The following PIK3C2G variants were observed in gnomAD, a reference collection of about 807,000 sequenced individuals.
PIK3C2G encodes the protein phosphatidylinositol 3-kinase C2 domain-containing subunit gamma.
A neutral mutation model predicts 181.1 loss-of-function variants in PIK3C2G; 168 were observed. The observed-to-expected ratio is 0.93, with a 90% CI of 0.82 to 1.05. PIK3C2G has a LOEUF of 1.05. Among genes scored for constraint, PIK3C2G ranks in the 50% least tolerant of loss-of-function variants. The pLI, the probability that PIK3C2G is intolerant of heterozygous loss-of-function variation, is 0.00. For missense variants in PIK3C2G, 1,869 were observed against 1,732.8 expected (o/e 1.08, Z -1.40); for synonymous variants, 573 against 592.2 (o/e 0.97, Z 0.47).
intron 1 of PIK3C2G, among the ~76,000 whole-genome samples, chr12:18,281,701 A>G (rs187729224): frequency 1.8e-4 from 27 of 152,180 alleles, no homozygotes; most frequent in African/African-American, 6.0e-4. Context: ...TCAAATGATA[A>G]GTGGATATTC....
rs543059908 is a variant in PIK3C2G at position 18,338,283 on chromosome 12, T to G, written c.1273-143T>G. The G allele has an allele frequency of 2.6e-4, 168 of 649,260 alleles. No homozygotes were observed. The African/African-American group carries it at 2.6e-3, about 10-fold the overall frequency. The allele number at this position is 649,260 out of a possible 1,614,324, so 40.2% of individuals were successfully genotyped here. The stretch of plus-strand genomic sequence containing the variant: ...CCCCAGTCACAGGATAACCAGAGTC[T>G]TGAGAACTTTCTTTTTGTGTGAAAG... On this transcript the variant is annotated intron_variant, in intron 8 of 32. Transcript: ENST00000538779.
the PIK3C2G span, among the ~76,000 whole-genome samples, chr12:18,716,985 G>A: frequency 6.6e-6 from 1 of 152,006 alleles, no homozygotes; most frequent in Non-Finnish European, 1.5e-5. Context: ...TGAGGGAAAG[G>A]GAAGAAATAT....
Position 18,302,724 on chromosome 12 carries a change from G to A in PIK3C2G, c.1034+8709G>A, listed in dbSNP as rs991844261. On this transcript the variant is annotated intron_variant, in intron 5 of 32. Transcript: ENST00000538779. Reference sequence around the variant, plus strand: ...GGTGGCATGATTCCCAAGGACCTGGGCAGTGTAGTTGGGCACTAGAGGTGT... The same window carrying A: ...GGTGGCATGATTCCCAAGGACCTGGACAGTGTAGTTGGGCACTAGAGGTGT... 5.5e-4 allele frequency among the ~76,000 whole-genome samples: 84 copies of A among 152,116 alleles called. 1 individual carries two copies. The highest frequency in any genetic ancestry group is 1.2e-4 in the Non-Finnish European group (8 of 68,022).
chr12:18,496,210 T>C, intron 21 of PIK3C2G, 56 bp downstream of exon 21: 3 of 1,021,352 alleles, frequency 2.9e-6, no homozygotes, highest in Non-Finnish European at 4.3e-6. Flanking sequence ...TATCGATTTA[T>C]TACTCACAAA....
chr12:18,355,232 G>C (rs970776741), intron 11 of PIK3C2G, among the ~76,000 whole-genome samples: 2 of 152,170 alleles, frequency 1.3e-5, no homozygotes, highest in Non-Finnish European at 2.9e-5. Context: ...AGGTATTTCA[G>C]GGTCCTTTTA....
At chr12:18,245,821 C>T (rs1948033962), upstream of PIK3C2G, among the ~76,000 whole-genome samples, 1 of 151,992 alleles carries the variant, frequency 6.6e-6, no homozygotes, top group African/African-American at 2.4e-5. Flanking sequence ...ATTTCATTAC[C>T]ATATTTTTTT....
chr12:18,583,179 AACAAGTCCAT>A (rs957492530), intron 29 of PIK3C2G, among the ~76,000 whole-genome samples: 1 of 151,838 alleles, frequency 6.6e-6, no homozygotes, highest in African/African-American at 2.4e-5. Flanking sequence ...TCAGGCCAGC[AACAAGTCCAT>A]ACCTCCCTTG....
chr12:18,487,098 G>GTGTGTT (rs2136045635), intron 18 of PIK3C2G, among the ~76,000 whole-genome samples: 1 of 128,424 alleles, frequency 7.8e-6, no homozygotes, highest in South Asian at 2.2e-4. Flanking sequence ...GAGGTATTTT[G>GTGTGTT]TGTGTGTGTG....
chr12:18,519,182 G>A (rs1225298451), intron 24 of PIK3C2G, among the ~76,000 whole-genome samples: 1 of 152,220 alleles, frequency 6.6e-6, no homozygotes, highest in African/African-American at 2.4e-5. Flanking sequence ...TAAGTGCCAT[G>A]TGGCACTGAG....
chr12:18,257,961 C>G (rs144224011), upstream of PIK3C2G, among the ~76,000 whole-genome samples: 239 of 152,218 alleles, frequency 1.6e-3, 1 homozygote, highest in African/African-American at 5.5e-3. Context: ...CTTGGTAGAA[C>G]CAACTCTCAT....
chr12:18,650,347 A>ATG (rs71064013), downstream of PIK3C2G, among the ~76,000 whole-genome samples: 2,435 of 113,240 alleles, frequency 0.022, 22 homozygotes, highest in Non-Finnish European at 0.028. Context: ...ATATATATAT[A>ATG]TGTGTGTGTG....
chr12:18,497,893 G>T (rs964218459), intron 22 of PIK3C2G, 145 bp downstream of exon 22: 9 of 503,572 alleles, frequency 1.8e-5, no homozygotes, highest in African/African-American at 1.8e-4. Context: ...TTTTTTTAAA[G>T]AATTATTTTC....
intron 18 of PIK3C2G, among the ~76,000 whole-genome samples, chr12:18,459,166 G>T (rs916382481): frequency 6.6e-6 from 1 of 152,130 alleles, no homozygotes; most frequent in African/African-American, 2.4e-5. Context: ...AGAGATTTAA[G>T]AAGTTTATCA....
At chr12:18,554,903 A>G (rs967645613) in intron 26 of PIK3C2G, among the ~76,000 whole-genome samples, 1 of 152,144 alleles carries the variant, frequency 6.6e-6, no homozygotes, top group Non-Finnish European at 1.5e-5. Context: ...TAACTTCAAT[A>G]CAAAAAACAA....
At chr12:18,593,032 T>C (rs1327574703) in intron 29 of PIK3C2G, among the ~76,000 whole-genome samples, 1 of 151,932 alleles carries the variant, frequency 6.6e-6, no homozygotes, top group Non-Finnish European at 1.5e-5. Context: ...AAAGAATCTA[T>C]TCCAGGTCTT....
intron 24 of PIK3C2G, among the ~76,000 whole-genome samples, chr12:18,507,369 G>T (rs889047175): frequency 1.3e-5 from 2 of 152,110 alleles, no homozygotes; most frequent in African/African-American, 4.8e-5. Flanking sequence ...TGGTCTGTGT[G>T]CCAAGGACTG....
chr12:18,331,521 T>C lies in PIK3C2G; in HGVS notation c.1272+6423T>C, dbSNP rs192152367. Among the ~76,000 whole-genome samples the C allele has an allele frequency of 2.6e-5, 4 of 152,234 alleles. No individual in the cohort carries two copies. In the East Asian group the frequency reaches 7.7e-4, roughly 29 times the overall value. On this transcript the variant is annotated intron_variant, in intron 8 of 32. Transcript: ENST00000538779. ...TCATATATTGACCTTCTATACTATGTCTTCTTGAAATCACTTTTTATATCT... is the reference window on the plus strand; with the variant it reads ...TCATATATTGACCTTCTATACTATGCCTTCTTGAAATCACTTTTTATATCT...
At chr12:18,368,741 G>A (rs903214887) in intron 12 of PIK3C2G, among the ~76,000 whole-genome samples, 7 of 152,034 alleles carry the variant, frequency 4.6e-5, no homozygotes, top group African/African-American at 1.7e-4. Flanking sequence ...CTATAACCAC[G>A]CTGGGTCTGG....
At position 18,488,587 on chromosome 12, in the gene PIK3C2G, T is replaced by C. The variant is rs759682288; in HGVS notation, c.2643T>C (p.Asp881=). The change falls in exon 19 of 33, where the codon GAT becomes GAC. Residue 881 remains aspartate (D), a synonymous_variant. Transcript: ENST00000538779. ...AGAAACTTATCAAAATTCTGGGAGA[T>C]ATTGGGGAAAGAGTCAAGTCTGCCA... ...KEQKLIKILG[D]IGERVKSASD... 2 of 1,571,144 alleles carry C rather than the reference T, an allele frequency of 1.3e-6. No homozygotes were observed. Among genetic ancestry groups the C allele is most frequent in the African/African-American group, 1.4e-5 (1 of 72,910 alleles).
Sources: gnomAD v4.1 joint callset for allele counts (sites outside exome capture counted in the v4.1 genomes callset) on GRCh38, gnomAD v4.1.1 for gene constraint, MANE v1.5 for transcripts, NCBI Gene and HGNC (gene_info 2026-07-23, HGNC 2026-07-21) for gene names.